Variants in UNC13C observed in about 807,000 individuals in gnomAD.
UNC13C encodes protein unc-13 homolog C.
UNC13C carries 174 observed loss-of-function variants against 245.4 expected under a neutral mutation model. The observed-to-expected ratio is 0.71, with a 90% CI of 0.63 to 0.80. The LOEUF (loss-of-function observed/expected upper bound fraction) is 0.80, where lower values mean the gene tolerates loss of function less well. UNC13C is among the 30% of genes least tolerant of loss of function. The probability of loss-of-function intolerance (pLI) is 0.00; values close to 1 mark genes in which losing one functional copy is unlikely to be tolerated. For missense variants in UNC13C, 2,829 were observed against 2,602.9 expected (o/e 1.09, Z -1.89); for synonymous variants, 992 against 895.1 (o/e 1.11, Z -1.93).
the UNC13C span, chr15:53,948,179 T>C: frequency 6.6e-6 from 1 of 152,208 alleles, no homozygotes; most frequent in Non-Finnish European, 1.5e-5. Context: ...TCTAAAATAA[T>C]AAATCTTGTT....
At chr15:54,374,764 G>A (rs147507607) in intron 17 of UNC13C, among the ~76,000 whole-genome samples, 79 of 152,328 alleles carry the variant, frequency 5.2e-4, no homozygotes, top group African/African-American at 1.9e-3. Context: ...TGCTAGCTCT[G>A]TGGAGCATGC....
intron 4 of UNC13C, among the ~76,000 whole-genome samples, chr15:54,171,798 G>A (rs2033408513): frequency 6.6e-6 from 1 of 152,078 alleles, no homozygotes; most frequent in Admixed American, 6.6e-5. Flanking sequence ...AGAGATATCT[G>A]TATTCCCATG....
chr15:54,335,416 T>C (rs1286425533), intron 16 of UNC13C, among the ~76,000 whole-genome samples: 1 of 152,168 alleles, frequency 6.6e-6, no homozygotes, highest in Non-Finnish European at 1.5e-5. Flanking sequence ...TTTTTTCTCA[T>C]TGCAGAGAGT....
chr15:54,104,771 T>A (rs887598725), intron 2 of UNC13C, among the ~76,000 whole-genome samples: 1 of 152,206 alleles, frequency 6.6e-6, no homozygotes, highest in Non-Finnish European at 1.5e-5. Flanking sequence ...TTTGATTGTA[T>A]CCACCTTTCA....
rs1301426797 is a variant in UNC13C, at chr15:54,344,542, C to T, written c.4713+6053C>T. Reference sequence around the variant, plus strand: ...TTTAAATCTTGGAAAAATACTTTTTCATCAACATTGTTATTATTTGAAATT... The same window carrying T: ...TTTAAATCTTGGAAAAATACTTTTTTATCAACATTGTTATTATTTGAAATT... On this transcript the variant is annotated intron_variant, in intron 17 of 32. Coordinates refer to ENST00000260323, the MANE Select transcript of UNC13C (RefSeq NM_001080534.3). 2.0e-5 allele frequency among the ~76,000 whole-genome samples: 3 copies of T among 152,044 alleles called. No individual in the cohort carries two copies. In the East Asian group the frequency reaches 5.8e-4, roughly 29 times the overall value.
chr15:53,843,894 T>A, the UNC13C span, among the ~76,000 whole-genome samples: 2 of 152,262 alleles, frequency 1.3e-5, no homozygotes, highest in African/African-American at 4.8e-5. Context: ...TATTAAAAAG[T>A]GGGCATTGAA....
intron 1 of UNC13C, among the ~76,000 whole-genome samples, chr15:53,997,196 C>T (rs1002276491): frequency 6.6e-5 from 10 of 151,988 alleles, no homozygotes; most frequent in South Asian, 2.1e-4. Flanking sequence ...TGTGCTTATT[C>T]GTCATTTGAA....
intron 30 of UNC13C, among the ~76,000 whole-genome samples, chr15:54,601,125 G>C (rs1429922749): frequency 1.3e-5 from 2 of 152,200 alleles, no homozygotes; most frequent in African/African-American, 2.4e-5. Context: ...GGTTAAGCTA[G>C]AGTAAACCCC....
At chr15:54,581,096 C>T (rs1029825843) in intron 30 of UNC13C, among the ~76,000 whole-genome samples, 2 of 152,082 alleles carry the variant, frequency 1.3e-5, no homozygotes, top group Admixed American at 1.3e-4. Flanking sequence ...TGCTAGATGC[C>T]AGATGAATCT....
chr15:54,632,209 T>G (rs898251193), downstream of UNC13C: 1 of 152,222 alleles, frequency 6.6e-6, no homozygotes, highest in Non-Finnish European at 1.5e-5. Context: ...TGGGGACATA[T>G]TTTCATATTC....
chr15:54,020,800 TG>T (rs1292601791), intron 2 of UNC13C, among the ~76,000 whole-genome samples: 1 of 152,190 alleles, frequency 6.6e-6, no homozygotes, highest in Non-Finnish European at 1.5e-5. Context: ...TGCATAATTT[TG>T]CCTACAAATA....
intron 25 of UNC13C, among the ~76,000 whole-genome samples, chr15:54,527,991 T>A (rs1034308207): frequency 6.6e-6 from 1 of 152,182 alleles, no homozygotes; most frequent in African/African-American, 2.4e-5. Context: ...CTGAACCTAC[T>A]CTTCTTAAGG....
In UNC13C at chr15:54,001,427, C is replaced by T. The variant is rs546728192; in HGVS notation, c.-256-11221C>T. 5.9e-5 allele frequency among the ~76,000 whole-genome samples: 9 copies of T among 152,216 alleles called. No individual in the cohort carries two copies. The South Asian group carries it at 1.0e-3, about 18-fold the overall frequency. On this transcript the variant is annotated intron_variant, in intron 1 of 32. Transcript: ENST00000260323. Reference sequence around the variant, plus strand: ...ACACTATAGATTTTTATCGTCCTCACGAACTTTCAAAATTAGTGTGAAATT... The same window carrying T: ...ACACTATAGATTTTTATCGTCCTCATGAACTTTCAAAATTAGTGTGAAATT...
intron 29 of UNC13C, among the ~76,000 whole-genome samples, chr15:54,565,956 C>T (rs535281234): frequency 6.6e-6 from 1 of 152,124 alleles, no homozygotes; most frequent in South Asian, 2.1e-4. Context: ...CCTCTTCCTG[C>T]TCCTCCTCGT....
the UNC13C span, among the ~76,000 whole-genome samples, chr15:53,882,660 A>G: frequency 4.6e-5 from 7 of 152,180 alleles, no homozygotes; most frequent in Admixed American, 2.0e-4. Context: ...GCCCACTGTC[A>G]TCCCAAAACT....
At chr15:54,318,292 G>A in intron 13 of UNC13C, among the ~76,000 whole-genome samples, 1 of 151,726 alleles carries the variant, frequency 6.6e-6, no homozygotes. Context: ...GTTTTTTGAA[G>A]AACCACCATA....
chr15:53,901,402 T>G, the UNC13C span, among the ~76,000 whole-genome samples: 4 of 151,738 alleles, frequency 2.6e-5, no homozygotes, highest in African/African-American at 9.7e-5. Context: ...TTGTATTTTT[T>G]TTTTGTAGAG....
chr15:53,997,829 A>G (rs1005622491), intron 1 of UNC13C, among the ~76,000 whole-genome samples: 2 of 151,916 alleles, frequency 1.3e-5, no homozygotes, highest in Admixed American at 6.6e-5. Flanking sequence ...TTTTGAGACC[A>G]TCTCACTCTG....
intron 19 of UNC13C, among the ~76,000 whole-genome samples, chr15:54,431,094 A>G (rs1298398057): frequency 6.6e-6 from 1 of 151,772 alleles, no homozygotes; most frequent in African/African-American, 2.4e-5. Context: ...ATTCAGAATA[A>G]TTATTGCTGA....
Sources: gnomAD v4.1 joint callset for allele counts (sites outside exome capture counted in the v4.1 genomes callset) on GRCh38, gnomAD v4.1.1 for gene constraint, MANE v1.5 for transcripts, NCBI Gene and HGNC (gene_info 2026-07-23, HGNC 2026-07-21) for gene names.